TNRC6B: variants seen among roughly 807,000 people sequenced by gnomAD.
TNRC6B encodes the protein trinucleotide repeat-containing gene 6B protein.
TNRC6B carries 52 observed loss-of-function variants against 203.6 expected under a neutral mutation model. That is an observed-to-expected ratio of 0.26 (90% confidence interval 0.20 to 0.32). The LOEUF is 0.32. TNRC6B is among the 10% of genes least tolerant of loss of function. TNRC6B has a pLI of 1.00. For synonymous variants in TNRC6B, 838 were observed against 845.7 expected (o/e 0.99, Z 0.16); for missense variants, 1,923 against 2,286.2 (o/e 0.84, Z 3.24).
chr22:40,055,431 G>T (rs1025804684), intron 1 of TNRC6B, among the ~76,000 whole-genome samples: 4 of 152,152 alleles, frequency 2.6e-5, no homozygotes, highest in African/African-American at 9.7e-5. Flanking sequence ...AAGATGACCG[G>T]CACAGCGGTA....
At chr22:40,188,119 G>C (rs2069227495) in intron 1 of TNRC6B, among the ~76,000 whole-genome samples, 2 of 152,142 alleles carry the variant, frequency 1.3e-5, no homozygotes, top group South Asian at 4.1e-4. Context: ...TGAGGTAAGA[G>C]AATCGCTTGA....
rs1292227314 is a variant in TNRC6B at position 40,132,943 on chromosome 22, C to CAAAAATAAAAAATTAA, written c.45+7086_45+7087insTAAAAAATTAAAAAAA. Among the ~76,000 whole-genome samples the CAAAAATAAAAAATTAA allele has an allele frequency of 2.1e-4, 5 of 23,870 alleles. 1 individual carries two copies. In the South Asian group the frequency reaches 0.012, roughly 57 times the overall value. The allele number at this position is 23,870 out of a possible 152,430, so 15.7% of individuals were successfully genotyped here. ...TGGGGGACAGAGCAAGACTCTGTCT[C>CAAAAATAAAAAATTAA]AAAAAAAAAAAAAAAAAAAAAAAAA... On this transcript the variant is annotated intron_variant, in intron 3 of 23. Coordinates refer to the TNRC6B transcript ENST00000301923.
intron 1 of TNRC6B, among the ~76,000 whole-genome samples, chr22:40,243,551 T>C (rs2070061314): frequency 6.6e-6 from 1 of 152,252 alleles, no homozygotes; most frequent in Non-Finnish European, 1.5e-5. Context: ...CGTGTTTGAT[T>C]AAAACTTACC....
intron 1 of TNRC6B, among the ~76,000 whole-genome samples, chr22:40,227,792 AT>A (rs1433737228): frequency 6.6e-6 from 1 of 152,208 alleles, no homozygotes; most frequent in African/African-American, 2.4e-5. Context: ...AGGAAAGCAG[AT>A]AAAAAAAATG....
intron 1 of TNRC6B, among the ~76,000 whole-genome samples, chr22:40,088,417 T>C (rs985645038): frequency 6.6e-5 from 10 of 152,224 alleles, no homozygotes; most frequent in African/African-American, 2.4e-4. Context: ...TCTTTGTTGT[T>C]GTTGTTGTTT....
At chr22:40,124,321 CTTTTTTT>C (rs545893898) in intron 2 of TNRC6B, among the ~76,000 whole-genome samples, 54 of 134,030 alleles carry the variant, frequency 4.0e-4, no homozygotes, top group African/African-American at 1.6e-3. Context: ...ATCTTTTTAC[CTTTTTTT>C]TTTTTTTTTT....
chr22:40,108,788 T>C (rs995684664), intron 1 of TNRC6B, among the ~76,000 whole-genome samples: 8 of 152,256 alleles, frequency 5.3e-5, no homozygotes, highest in Non-Finnish European at 7.3e-5. Context: ...TTATTATTTC[T>C]AAGTTTCAGG....
In TNRC6B at chr22:40,312,970, T is replaced by C. The variant is rs756140185; in HGVS notation, c.4651T>C (p.Ser1551Pro). 4.3e-6 allele frequency: 7 copies of C among 1,613,850 alleles called. No individual in the cohort carries two copies. The highest frequency in any genetic ancestry group is 5.9e-6 in the Non-Finnish European group (7 of 1,179,814). Reference sequence around the variant, plus strand: ...CTGGCCCTACAGTGCCTCTGACAACTCCTTTACCAACGTTCATAGCACTTC... The same window carrying C: ...CTGGCCCTACAGTGCCTCTGACAACCCCTTTACCAACGTTCATAGCACTTC... The part of the protein sequence containing the change: ...GAWPYSASDN[S>P]FTNVHSTSAK... The change falls in exon 19 of 23, where the codon TCC becomes CCC. Residue 1551 changes from serine to proline, a missense_variant. Physicochemically the swap from Ser to Pro is moderately conservative, Grantham distance 74. Transcript: ENST00000454349.
chr22:40,271,945 CCT>C (rs2070569423), intron 6 of TNRC6B, among the ~76,000 whole-genome samples: 1 of 151,444 alleles, frequency 6.6e-6, no homozygotes, highest in Non-Finnish European at 1.5e-5. Context: ...AAAAATTAGA[CCT>C]CTCTTATCTT....
intron 1 of TNRC6B, among the ~76,000 whole-genome samples, chr22:40,236,006 C>A (rs2069942423): frequency 6.6e-6 from 1 of 152,094 alleles, no homozygotes; most frequent in Non-Finnish European, 1.5e-5. Context: ...GGTTCACATG[C>A]CAGAAGCAAG....
chr22:40,228,187 G>A (rs1024324160), intron 1 of TNRC6B, among the ~76,000 whole-genome samples: 2 of 152,056 alleles, frequency 1.3e-5, no homozygotes, highest in Non-Finnish European at 2.9e-5. Flanking sequence ...TAGCACTTTG[G>A]GAGGCCGAGG....
intron 1 of TNRC6B, among the ~76,000 whole-genome samples, chr22:40,191,144 T>C (rs1418969790): frequency 6.6e-6 from 1 of 151,798 alleles, no homozygotes; most frequent in Non-Finnish European, 1.5e-5. Flanking sequence ...AGTCGCTTGG[T>C]GTGGTGGAGT....
intron 1 of TNRC6B, among the ~76,000 whole-genome samples, chr22:40,090,605 C>T (rs1459301476): frequency 6.6e-6 from 1 of 152,042 alleles, no homozygotes; most frequent in Non-Finnish European, 1.5e-5. Context: ...TCAGATGTAT[C>T]TTTGTATTTT....
chr22:40,318,528 CAG>C (rs1478503168), intron 21 of TNRC6B, among the ~76,000 whole-genome samples: 3 of 151,924 alleles, frequency 2.0e-5, no homozygotes, highest in African/African-American at 7.3e-5. Flanking sequence ...GCCTGGGAGA[CAG>C]AGCGAGACTT....
chr22:40,151,803 G>GA (rs1215878122), intron 3 of TNRC6B, among the ~76,000 whole-genome samples: 2 of 147,822 alleles, frequency 1.4e-5, no homozygotes, highest in African/African-American at 2.5e-5. Flanking sequence ...AAGAAAGAAA[G>GA]AAGAAAATCA....
chr22:40,194,400 G>C (rs948435701), intron 1 of TNRC6B, among the ~76,000 whole-genome samples: 18 of 152,120 alleles, frequency 1.2e-4, no homozygotes, highest in Admixed American at 1.2e-3. Flanking sequence ...TTCTGTGCTT[G>C]GGCATTATGG....
intron 1 of TNRC6B, among the ~76,000 whole-genome samples, chr22:40,077,675 G>T (rs2068029135): frequency 6.6e-6 from 1 of 151,998 alleles, no homozygotes. Context: ...AATATTTATT[G>T]TAGACAAATT....
chr22:40,225,714 G>T (rs1187940609), intron 1 of TNRC6B, among the ~76,000 whole-genome samples: 3 of 127,536 alleles, frequency 2.4e-5, no homozygotes, highest in Non-Finnish European at 3.1e-5. Flanking sequence ...CTCCACTCCA[G>T]CCTGAGCGAC....
Position 40,264,856 on chromosome 22 carries a change from A to C in TNRC6B, c.626A>C (p.Glu209Ala). 1 of 1,613,900 alleles carries C rather than the reference A, an allele frequency of 6.2e-7. No homozygotes were observed. Among genetic ancestry groups the C allele is most frequent in the South Asian group, 1.1e-5 (1 of 91,066 alleles). The change falls in exon 5 of 23, where the codon GAA (glutamate) becomes GCA (alanine). Residue 209 changes from glutamate (E) to alanine (A), a missense_variant. Physicochemically the swap from Glu to Ala is moderately radical, Grantham distance 107 (BLOSUM62 -1). Coordinates refer to ENST00000454349, the MANE Select transcript of TNRC6B (RefSeq NM_001162501.2). ...CCTTGTATTGCCAGCAAAGACACTG[A>C]ATCTTCTTCCGAAAACACCACCGAT... ...EWPCIASKDT[E>A]SSSENTTDNN...
Sources: allele counts gnomAD v4.1 joint callset (sites outside exome capture counted in the v4.1 genomes callset), GRCh38; gene constraint gnomAD v4.1.1; transcripts MANE v1.5; gene names NCBI Gene and HGNC (gene_info 2026-07-23, HGNC 2026-07-21).